CSNK2A2IP: variants seen among roughly 807,000 people sequenced by gnomAD.
The protein encoded by CSNK2A2IP is casein kinase 2 subunit alpha' interacting protein, also known as casein kinase II subunit alpha'-interacting protein.
chr3:88,421,390 T>C, the CSNK2A2IP span, among the ~76,000 whole-genome samples: 1 of 152,096 alleles, frequency 6.6e-6, no homozygotes, highest in South Asian at 2.1e-4. Context: ...GGTTCCCTAT[T>C]AGTTTGTATG....
chr3:88,429,534 C>T, the CSNK2A2IP span, among the ~76,000 whole-genome samples: 2 of 152,234 alleles, frequency 1.3e-5, no homozygotes, highest in South Asian at 4.2e-4. Context: ...CGTTTGTAAG[C>T]CTCAAAATTA....
At chr3:88,466,788 A>G in the CSNK2A2IP span, 15 of 854,314 alleles carry the variant, frequency 1.8e-5, no homozygotes, top group Non-Finnish European at 2.3e-5. Flanking sequence ...TGGTTTGCTT[A>G]GCTTGTGCTT....
At chr3:88,424,456 T>C in the CSNK2A2IP span, among the ~76,000 whole-genome samples, 1 of 152,228 alleles carries the variant, frequency 6.6e-6, no homozygotes, top group African/African-American at 2.4e-5. Flanking sequence ...AAAAGAGATA[T>C]GGTATTTGGG....
the CSNK2A2IP span, chr3:88,399,658 C>T: frequency 8.5e-5 from 13 of 152,284 alleles, no homozygotes; most frequent in Non-Finnish European, 1.6e-4. Context: ...GTACGGCTTC[C>T]TACTTCTTCC....
the CSNK2A2IP span, among the ~76,000 whole-genome samples, chr3:88,359,495 G>A: frequency 2.6e-5 from 4 of 151,474 alleles, no homozygotes; most frequent in East Asian, 7.8e-4. Context: ...TTTTAATGTA[G>A]GCATTTATTG....
chr3:88,398,618 G>T, the CSNK2A2IP span, among the ~76,000 whole-genome samples: 1 of 152,092 alleles, frequency 6.6e-6, no homozygotes, highest in East Asian at 1.9e-4. Context: ...TAGAAATAGA[G>T]AAAGGTCCCA....
chr3:88,446,446 C>G, the CSNK2A2IP span, among the ~76,000 whole-genome samples: 2 of 152,120 alleles, frequency 1.3e-5, no homozygotes, highest in Admixed American at 1.3e-4. Context: ...AGGGTAAGCT[C>G]TACATTTTCT....
the CSNK2A2IP span, chr3:88,466,502 A>G: frequency 1.1e-5 from 14 of 1,231,818 alleles, no homozygotes; most frequent in South Asian, 4.5e-4. Flanking sequence ...TGCACCAGGA[A>G]CACAGCTGCT....
chr3:88,448,692 T>G, the CSNK2A2IP span, among the ~76,000 whole-genome samples: 1 of 152,196 alleles, frequency 6.6e-6, no homozygotes, highest in Admixed American at 6.5e-5. Flanking sequence ...AACTCCAGCT[T>G]TTGCCACTTG....
chr3:88,368,896 T>TCTCACAAGCTCTGTAAACCTCTC, the CSNK2A2IP span, among the ~76,000 whole-genome samples: 1 of 151,970 alleles, frequency 6.6e-6, no homozygotes. Context: ...GGAGGAACTT[T>TCTCACAAGCTCTGTAAACCTCTC]CTCACAAGCT....
the CSNK2A2IP span, among the ~76,000 whole-genome samples, chr3:88,408,638 T>C: frequency 3.9e-5 from 6 of 152,166 alleles, no homozygotes; most frequent in Non-Finnish European, 8.8e-5. Context: ...CTGTCCCATA[T>C]AGCGTGGAGC....
chr3:88,423,236 A>G, the CSNK2A2IP span, among the ~76,000 whole-genome samples: 1 of 152,226 alleles, frequency 6.6e-6, no homozygotes, highest in Non-Finnish European at 1.5e-5. Context: ...CATTGTCCCT[A>G]TGTAGCAGAT....
At chr3:88,458,141 GTTTT>G in the CSNK2A2IP span, among the ~76,000 whole-genome samples, 39 of 83,296 alleles carry the variant, frequency 4.7e-4, 1 homozygote, top group African/African-American at 9.2e-4. Flanking sequence ...TGTAATTGTG[GTTTT>G]TTTTTTTTTT....
the CSNK2A2IP span, among the ~76,000 whole-genome samples, chr3:88,353,393 C>T: frequency 7.2e-5 from 11 of 152,294 alleles, no homozygotes; most frequent in South Asian, 1.9e-3. Flanking sequence ...TTGGATTTGT[C>T]CACCTCCTTA....
the CSNK2A2IP span, among the ~76,000 whole-genome samples, chr3:88,353,475 G>C: frequency 6.6e-6 from 1 of 152,028 alleles, no homozygotes; most frequent in Non-Finnish European, 1.5e-5. Flanking sequence ...GGCCTTTCAC[G>C]TCCCTGCCAT....
chr3:88,446,598 A>G, the CSNK2A2IP span, among the ~76,000 whole-genome samples: 1 of 152,094 alleles, frequency 6.6e-6, no homozygotes, highest in Admixed American at 6.6e-5. Flanking sequence ...TCATAGGATG[A>G]CTTTTCCCTA....
chr3:88,428,084 A>C, the CSNK2A2IP span, among the ~76,000 whole-genome samples: 1 of 152,214 alleles, frequency 6.6e-6, no homozygotes, highest in East Asian at 1.9e-4. Context: ...GTGGGAGCCC[A>C]TCTTTTGCAT....
At chr3:88,431,846 T>G in the CSNK2A2IP span, among the ~76,000 whole-genome samples, 1 of 152,058 alleles carries the variant, frequency 6.6e-6, no homozygotes, top group Non-Finnish European at 1.5e-5. Flanking sequence ...TTTAGAAAAA[T>G]TAAGCAGCTA....
the CSNK2A2IP span, among the ~76,000 whole-genome samples, chr3:88,344,833 T>G: frequency 2.1e-3 from 318 of 152,026 alleles, no homozygotes; most frequent in Non-Finnish European, 3.8e-3. Context: ...TTTCACTAGT[T>G]GACAGCAATT....
Sources: gnomAD v4.1 joint callset for allele counts (sites outside exome capture counted in the v4.1 genomes callset) on GRCh38, gnomAD v4.1.1 for gene constraint, MANE v1.5 for transcripts, NCBI Gene and HGNC (gene_info 2026-07-23, HGNC 2026-07-21) for gene names.